The following MCM2 variants were observed in gnomAD, a reference collection of about 807,000 sequenced individuals.
The protein encoded by MCM2 is minichromosome maintenance complex component 2.
MCM2 carries 49 observed loss-of-function variants against 86.4 expected under a neutral mutation model. The observed-to-expected ratio is 0.57, with a 90% CI of 0.45 to 0.72. MCM2 has a LOEUF of 0.72. MCM2 is among the 30% of genes least tolerant of loss of function. MCM2 has a pLI of 0.00. For missense variants in MCM2, 1,038 were observed against 1,259.9 expected (o/e 0.82, Z 2.67); for synonymous variants, 475 against 484.6 (o/e 0.98, Z 0.26).
In MCM2 at chr3:127,604,731, T is replaced by C. The variant is rs778833444; in HGVS notation, c.360T>C (p.Arg120=). 37 of 1,610,608 alleles carry C rather than the reference T, an allele frequency of 2.3e-5. No homozygotes were observed. The highest frequency in any genetic ancestry group is 3.0e-5 in the Non-Finnish European group (35 of 1,179,288). Residue 120 remains arginine, a synonymous_variant, in exon 3 of 16, where the codon CGT becomes CGC. Transcript: ENST00000265056. ...REAAERAMRQ[R]DREAGRGLGR... is the part of the protein sequence containing the mutation. ...CAGCAGAGCGGGCCATGCGGCAGCG[T>C]GACCGGGAGGCTGGCCGGGGCCTGG...
At chr3:127,598,891 A>G in intron 1 of MCM2, 2 of 342,108 alleles carry the variant, frequency 5.8e-6, no homozygotes, top group Admixed American at 4.5e-5. Context: ...TGTCTGTTCC[A>G]CATCTGAGTT....
chr3:127,619,126 G>C lies in MCM2; in HGVS notation c.2113G>C (p.Ala705Pro), dbSNP rs147793264. The C allele has an allele frequency of 5.6e-6, 9 of 1,613,996 alleles. No individual in the cohort carries two copies. In the South Asian group the frequency reaches 6.6e-5, roughly 12 times the overall value. Residue 705 changes from alanine (A) to proline (P), a missense_variant, in exon 13 of 16, where the codon GCC (alanine) becomes CCC (proline). Ala to Pro is a conservative substitution (Grantham distance 27). This residue lies in a region of MCM2 where 336 missense variants were observed against 425.7 expected (regional missense o/e 0.79). Coordinates refer to ENST00000265056, the MANE Select transcript of MCM2 (RefSeq NM_004526.4). ...GGCCAATGGCAGCGCTGCTGAGCCC[G>C]CCATGCCCAACACGTATGGCGTGGA... ...GLANGSAAEP[A>P]MPNTYGVEPL... is the part of the protein sequence containing the mutation.
intron 8 of MCM2, among the ~76,000 whole-genome samples, chr3:127,612,489 G>A (rs1369591578): frequency 1.3e-5 from 2 of 152,198 alleles, no homozygotes; most frequent in Non-Finnish European, 2.9e-5. Flanking sequence ...CTTGGCTGTT[G>A]GCGAGTGCTC....
In MCM2 at chr3:127,617,036, C is replaced by T. The variant is rs766088864; in HGVS notation, c.1691C>T (p.Pro564Leu). The change falls in exon 10 of 16, where the codon CCT becomes CTT. Residue 564 changes from proline to leucine, a missense_variant. By Grantham distance (98) the Pro-to-Leu change is moderately conservative (BLOSUM62 -3). This residue lies in a region of MCM2 where 399 missense variants were observed against 507.2 expected (regional missense o/e 0.79). Transcript: ENST00000265056. This position sits in a 1 kb window ranked among gnomAD's most constrained non-coding sequence, Gnocchi z 4.1. ...VGLTAYVQRH[P>L]VSREWTLEAG... ...CTCACGGCGTATGTCCAGCGGCACC[C>T]TGTCAGCAGGGAGTGGACCTTGGAG... is the stretch of plus-strand genomic sequence containing the variant. 3.7e-6 allele frequency: 6 copies of T among 1,614,218 alleles called. No homozygotes were observed. The Admixed American group carries it at 5.0e-5, about 13-fold the overall frequency.
chr3:127,619,721 G>A (rs890255802), intron 13 of MCM2, among the ~76,000 whole-genome samples: 2 of 152,142 alleles, frequency 1.3e-5, no homozygotes, highest in Non-Finnish European at 2.9e-5. Context: ...AGTGATTCAT[G>A]CCTGTAATCC....
rs17538579 is a variant in MCM2 at position 127,611,900 on chromosome 3, C to T, written c.1428+2877C>T. 4.1e-5 allele frequency among the ~76,000 whole-genome samples: 6 copies of T among 144,660 alleles called. No individual in the cohort carries two copies. The South Asian group carries it at 1.4e-3, about 33-fold the overall frequency. The allele number at this position is 144,660 out of a possible 152,430, so 94.9% of individuals were successfully genotyped here. On this transcript the variant is annotated intron_variant, in intron 8 of 15. Transcript: ENST00000265056. The stretch of plus-strand genomic sequence containing the variant: ...ATTTTTAGTAGAGACGGGGTTTCAC[C>T]GTTTTAGCCGGGATGGTCTCGATCT...
In MCM2 at chr3:127,608,915, A is replaced by T. The variant is rs1233273239; in HGVS notation, c.1320A>T (p.Leu440=). 1 of 1,614,162 alleles carries T rather than the reference A, an allele frequency of 6.2e-7. No individual in the cohort carries two copies. The highest frequency in any genetic ancestry group is 8.5e-7 in the Non-Finnish European group (1 of 1,180,044). The change falls in exon 8 of 16, where the codon CTA becomes CTT. Residue 440 remains leucine, a synonymous_variant. Transcript: ENST00000265056. The stretch of plus-strand genomic sequence containing the variant: ...TCCCTGTCTTTGCCACTGTCATCCT[A>T]GCCAACCACGTGGCCAAGAAGGACA... ...NGFPVFATVI[L]ANHVAKKDNK...
At chr3:127,603,728 C>G (rs1302033515) in intron 2 of MCM2, among the ~76,000 whole-genome samples, 1 of 152,106 alleles carries the variant, frequency 6.6e-6, no homozygotes, top group East Asian at 1.9e-4. Flanking sequence ...GTGGCACAAT[C>G]TCTGCTCACT....
chr3:127,599,073 G>A, intron 1 of MCM2: 1 of 572,148 alleles, frequency 1.7e-6, no homozygotes, highest in South Asian at 2.1e-5. Context: ...GGTGATGTGG[G>A]TGACCCCGAT....
Position 127,619,190 on chromosome 3 carries a change from A to G in MCM2, c.2177A>G (p.Tyr726Cys). The G allele has an allele frequency of 6.2e-7, 1 of 1,614,170 alleles. No individual in the cohort carries two copies. The highest frequency in any genetic ancestry group is 8.5e-7 in the Non-Finnish European group (1 of 1,180,038). Residue 726 changes from tyrosine (Y) to cysteine (C), a missense_variant, in exon 13 of 16, where the codon TAC (tyrosine) becomes TGC (cysteine). Around this residue, in one of 4 missense-constraint regions of MCM2, gnomAD observed 336 missense variants for 425.7 expected, o/e 0.79. Coordinates refer to ENST00000265056, the MANE Select transcript of MCM2 (RefSeq NM_004526.4). ...PQEVLKKYII[Y>C]AKERVHPKLN... ...GAGGTCCTGAAGAAGTACATCATCT[A>G]CGCCAAGGAGAGGGTCCACCCGAAG...
intron 6 of MCM2, 51 bp from the exon 7 acceptor site, chr3:127,608,331 T>C (rs1249787925): frequency 6.2e-7 from 1 of 1,602,018 alleles, no homozygotes; most frequent in Admixed American, 1.7e-5. Flanking sequence ...GGGTCAAGGT[T>C]AGGTGACATA....
In MCM2 at chr3:127,617,090, G is replaced by A. The variant is rs1461462601; in HGVS notation, c.1745G>A (p.Gly582Glu). ...GGGGCCCTGGTTCTGGCTGACCGAG[G>A]AGTGTGTCTCATTGATGAATTTGAC... ...EAGALVLADRGVCLIDEFDKM... is the reference protein window; with the variant it reads ...EAGALVLADREVCLIDEFDKM... Residue 582 changes from glycine (G) to glutamate (E), a missense_variant, in exon 10 of 16, where the codon GGA becomes GAA. Gly to Glu is a moderately conservative substitution (Grantham distance 98). Around this residue, in one of 4 missense-constraint regions of MCM2, gnomAD observed 399 missense variants for 507.2 expected, o/e 0.79. Transcript: ENST00000265056. This position sits in a 1 kb window ranked among gnomAD's most constrained non-coding sequence, Gnocchi z 4.1. 1.2e-6 allele frequency: 2 copies of A among 1,614,070 alleles called. No homozygotes were observed. The highest frequency in any genetic ancestry group is 1.7e-6 in the Non-Finnish European group (2 of 1,179,956).
chr3:127,616,471 C>G (rs566691056), intron 9 of MCM2, among the ~76,000 whole-genome samples: 2 of 152,274 alleles, frequency 1.3e-5, no homozygotes, highest in South Asian at 4.1e-4. Flanking sequence ...AGTGCTGTGC[C>G]TGTGCGCAGT....
chr3:127,605,581 C>T (rs1475336766), intron 4 of MCM2, among the ~76,000 whole-genome samples: 1 of 151,718 alleles, frequency 6.6e-6, no homozygotes, highest in Non-Finnish European at 1.5e-5. Flanking sequence ...GCTGGAATTA[C>T]AGGCATGCAC....
At chr3:127,614,260 G>C (rs2074418362) in intron 8 of MCM2, among the ~76,000 whole-genome samples, 1 of 151,918 alleles carries the variant, frequency 6.6e-6, no homozygotes, top group African/African-American at 2.4e-5. Context: ...AAAAAGAAAA[G>C]ACTCTCTTTG....
chr3:127,611,002 TG>T (rs1366156387), intron 8 of MCM2: 1 of 455,880 alleles, frequency 2.2e-6, no homozygotes, highest in Non-Finnish European at 4.4e-6. Flanking sequence ...AAGTCAGACA[TG>T]ACCCTTGCCC....
At chr3:127,620,920 A>G in intron 14 of MCM2, 40 bp downstream of exon 14, 1 of 1,577,864 alleles carries the variant, frequency 6.3e-7, no homozygotes, top group South Asian at 1.2e-5. Context: ...GGGCAAGCTC[A>G]GTGAAGGAGG....
chr3:127,605,875 C>T (rs2074343353), intron 4 of MCM2, among the ~76,000 whole-genome samples: 1 of 152,182 alleles, frequency 6.6e-6, no homozygotes, highest in South Asian at 2.1e-4. Context: ...GCACTCTGCT[C>T]ATATTTAATT....
rs756507591 is a variant in MCM2, at chr3:127,605,094, G to A, written c.611G>A (p.Arg204His). Residue 204 changes from arginine to histidine, a missense_variant, in exon 4 of 16, where the codon CGC becomes CAC. Physicochemically the swap from Arg to His is conservative, Grantham distance 29. Coordinates refer to ENST00000265056, the MANE Select transcript of MCM2 (RefSeq NM_004526.4). ...CACCACCGCTTCAAGAACTTCCTGCGCACTCACGTCGACAGCCACGGCCAC... is the reference window on the plus strand; with the variant it reads ...CACCACCGCTTCAAGAACTTCCTGCACACTCACGTCGACAGCCACGGCCAC... ...EIHHRFKNFL[R>H]THVDSHGHNV... 3.7e-6 allele frequency: 6 copies of A among 1,614,004 alleles called. No individual in the cohort carries two copies. The Admixed American group carries it at 5.0e-5, about 13-fold the overall frequency.
Sources: allele counts gnomAD v4.1 joint callset (sites outside exome capture counted in the v4.1 genomes callset), GRCh38; gene constraint gnomAD v4.1.1; regional missense constraint gnomAD v4.1.1; non-coding constraint Gnocchi (gnomAD v3.1); transcripts MANE v1.5; gene names NCBI Gene and HGNC (gene_info 2026-07-23, HGNC 2026-07-21).